PTGR2: variants seen among roughly 807,000 people sequenced by gnomAD.
The protein encoded by PTGR2 is prostaglandin reductase 2, also known as 15-oxoprostaglandin 13-reductase.
A neutral mutation model predicts 43.4 loss-of-function variants in PTGR2; 32 were observed. That is an observed-to-expected ratio of 0.74 (90% CI 0.56 to 0.99). The LOEUF (loss-of-function observed/expected upper bound fraction) is 0.99, where lower values mean the gene tolerates loss of function less well. Ranked by LOEUF, PTGR2 falls within the 50% of genes least tolerant of loss-of-function variation. The pLI is 0.00. For synonymous variants in PTGR2, 106 were observed against 139.2 expected (o/e 0.76, Z 1.68); for missense variants, 373 against 420.0 (o/e 0.89, Z 0.98).
intron 3 of PTGR2, among the ~76,000 whole-genome samples, chr14:73,864,045 A>C (rs544756112): frequency 2.6e-5 from 4 of 152,292 alleles, no homozygotes; most frequent in African/African-American, 9.6e-5. Flanking sequence ...GGTGGGAGCT[A>C]CTGTGCCTGG....
At chr14:73,874,892 G>T (rs551874639) in intron 4 of PTGR2, among the ~76,000 whole-genome samples, 123 of 152,156 alleles carry the variant, frequency 8.1e-4, no homozygotes, top group Middle Eastern at 6.8e-3. Flanking sequence ...ATTTAGAGAC[G>T]GCGTCTCACT....
At chr14:73,878,545 T>G in intron 5 of PTGR2, 2 of 233,012 alleles carry the variant, frequency 8.6e-6, no homozygotes, top group South Asian at 1.0e-4. Flanking sequence ...GCTAGCGATA[T>G]CAGTATGACA....
chr14:73,876,666 G>C (rs1367704818), intron 4 of PTGR2, among the ~76,000 whole-genome samples: 3 of 151,782 alleles, frequency 2.0e-5, no homozygotes, highest in African/African-American at 7.3e-5. Context: ...TAGTAGAGAT[G>C]GGGTTTCGCC....
At chr14:73,879,920 C>A in intron 6 of PTGR2, 135 bp from the exon 7 acceptor site, 1 of 754,634 alleles carries the variant, frequency 1.3e-6, no homozygotes, top group Non-Finnish European at 2.1e-6. Flanking sequence ...TTAAATACCT[C>A]TAACAGGTAA....
chr14:73,879,457 G>A (rs2054934064), intron 6 of PTGR2, 152 bp downstream of exon 6: 2 of 626,022 alleles, frequency 3.2e-6, no homozygotes, highest in South Asian at 2.4e-5. Context: ...ATACAAAAGA[G>A]CTTGCTGATA....
chr14:73,882,027 C>A (rs2055003052), intron 8 of PTGR2, among the ~76,000 whole-genome samples: 1 of 151,940 alleles, frequency 6.6e-6, no homozygotes, highest in Admixed American at 6.6e-5. Context: ...AAGTGTTCTG[C>A]CCATCCAGCC....
intron 1 of PTGR2, among the ~76,000 whole-genome samples, chr14:73,853,881 ACT>A (rs2054285687): frequency 2.0e-5 from 3 of 152,094 alleles, no homozygotes; most frequent in South Asian, 2.1e-4. Context: ...CACTCAACAC[ACT>A]CTATCATCAC....
chr14:73,859,268 A>G (rs2054432584), intron 2 of PTGR2, among the ~76,000 whole-genome samples: 1 of 152,148 alleles, frequency 6.6e-6, no homozygotes, highest in Admixed American at 6.5e-5. Flanking sequence ...ATGTACTAAC[A>G]TATCAGTGCT....
chr14:73,880,039 A>AT lies in PTGR2; in HGVS notation c.730-11dup. ...CATAGGAAAGGGATATTTTATCATT[A>AT]TTTTTCTCTGTGCAGATGAATGAGA... On this transcript the variant is annotated splice_polypyrimidine_tract_variant and intron_variant, in intron 6 of 9. Transcript: ENST00000555661. 6.2e-7 allele frequency: 1 copy of AT among 1,612,778 alleles called. No individual in the cohort carries two copies. The highest frequency in any genetic ancestry group is 1.7e-5 in the Admixed American group (1 of 59,952).
rs2054797881 is a variant in PTGR2, at chr14:73,874,070, G to A, written c.204G>A (p.Trp68Ter). Reference protein sequence around the residue: ...EDTGTDYITPWQLSQVVDGGG... With the variant: ...EDTGTDYITP Reference sequence around the variant, plus strand: ...CTGGCACTGATTATATAACACCTTGGCAGCTATCTCAAGTCGTTGATGGAG... The same window carrying A: ...CTGGCACTGATTATATAACACCTTGACAGCTATCTCAAGTCGTTGATGGAG... Residue 68 changes from tryptophan to a stop codon, truncating the protein, a stop_gained, in exon 4 of 10, where the codon TGG becomes TGA. Transcript: ENST00000555661. LOFTEE classifies it high-confidence loss of function. 11 of 1,613,430 alleles carry A rather than the reference G, an allele frequency of 6.8e-6. No homozygotes were observed. The highest frequency in any genetic ancestry group is 9.3e-6 in the Non-Finnish European group (11 of 1,179,782).
chr14:73,857,664 G>GTTTTTTATTTTT (rs2054384045), intron 1 of PTGR2, among the ~76,000 whole-genome samples: 1 of 64,696 alleles, frequency 1.5e-5, no homozygotes, highest in Non-Finnish European at 2.7e-5. Context: ...AGCAGTTAGT[G>GTTTTTTATTTTT]TTTTTTTTTT....
chr14:73,884,446 G>A lies in PTGR2; in HGVS notation c.*269G>A, dbSNP rs571792229. The A allele has an allele frequency of 5.7e-4, 134 of 233,360 alleles. No individual in the cohort carries two copies. The highest frequency in any genetic ancestry group is 2.9e-3 in the African/African-American group (127 of 43,540). The allele number at this position is 233,360 out of a possible 1,614,324, so 14.5% of individuals were successfully genotyped here. A position where few individuals can be genotyped will look rare whatever the true frequency, so the allele number is the denominator to read the frequency against. On this transcript the variant is annotated 3_prime_UTR_variant, in exon 10 of 10. Coordinates refer to ENST00000555661, the MANE Select transcript of PTGR2 (RefSeq NM_001146154.2). ...TGTAAAGATTTGTTAAACTGGAAAC[G>A]TTTTACATGATCTGATACAACCATT...
intron 1 of PTGR2, among the ~76,000 whole-genome samples, chr14:73,852,351 T>A (rs2054248894): frequency 6.6e-6 from 1 of 152,078 alleles, no homozygotes; most frequent in Non-Finnish European, 1.5e-5. Context: ...AGCCTCCATC[T>A]CTCGGGTTCA....
chr14:73,863,955 C>T (rs2054549110), intron 3 of PTGR2, among the ~76,000 whole-genome samples: 1 of 152,036 alleles, frequency 6.6e-6, no homozygotes, highest in South Asian at 2.1e-4. Context: ...CCAAGGTCAC[C>T]TCTTGCTATG....
At chr14:73,857,799 G>T (rs1380565826) in intron 1 of PTGR2, among the ~76,000 whole-genome samples, 1 of 149,706 alleles carries the variant, frequency 6.7e-6, no homozygotes, top group Non-Finnish European at 1.5e-5. Context: ...CTCCGGAGTA[G>T]CTGGGACTAC....
intron 3 of PTGR2, among the ~76,000 whole-genome samples, chr14:73,871,467 G>A (rs1239153885): frequency 1.3e-5 from 2 of 148,208 alleles, no homozygotes; most frequent in East Asian, 2.1e-4. Flanking sequence ...AACAGTAAAT[G>A]TGAGTAAAGT....
At chr14:73,856,142 C>T (rs759892729) in intron 1 of PTGR2, among the ~76,000 whole-genome samples, 17 of 152,166 alleles carry the variant, frequency 1.1e-4, no homozygotes, top group Admixed American at 2.6e-4. Context: ...TAGGCTTTCA[C>T]ATTCCCTCAC....
At chr14:73,857,676 T>A in intron 1 of PTGR2, among the ~76,000 whole-genome samples, 1 of 127,672 alleles carries the variant, frequency 7.8e-6, no homozygotes, top group Non-Finnish European at 1.7e-5. Flanking sequence ...TTTTTTTTTT[T>A]TTTTTTTTTT....
In PTGR2 at chr14:73,884,812, G is replaced by C. The variant is rs2055087219; in HGVS notation, c.*635G>C. The C allele has an allele frequency of 6.6e-6, 1 of 152,090 alleles. No individual in the cohort carries two copies. Among genetic ancestry groups the C allele is most frequent in the Non-Finnish European group, 1.5e-5 (1 of 68,030 alleles). The allele number at this position is 152,090 out of a possible 1,614,324, so 9.4% of individuals were successfully genotyped here. A position where few individuals can be genotyped will look rare whatever the true frequency, so the allele number is the denominator to read the frequency against. On this transcript the variant is annotated 3_prime_UTR_variant, in exon 10 of 10. Transcript: ENST00000555661. ...ATGGGAAGATAAATAACTTAGGTTG[G>C]TTAAGTTGACAAGATTTACTCCAGA...
Sources: gnomAD v4.1 joint callset for allele counts (sites outside exome capture counted in the v4.1 genomes callset) on GRCh38, gnomAD v4.1.1 for gene constraint, MANE v1.5 for transcripts, NCBI Gene and HGNC (gene_info 2026-07-23, HGNC 2026-07-21) for gene names.